ASTN2: variants seen among roughly 807,000 people sequenced by gnomAD.
ASTN2 encodes the protein astrotactin 2.
In ASTN2, 54 loss-of-function variants were observed where a neutral mutation model predicts 139.8. The observed-to-expected ratio is 0.39, with a 90% confidence interval of 0.31 to 0.48. The LOEUF is 0.48. Among genes scored for constraint, ASTN2 ranks in the 20% least tolerant of loss-of-function variants. ASTN2 has a pLI of 0.95. For synonymous variants in ASTN2, 756 were observed against 719.5 expected (o/e 1.05, Z -0.81); for missense variants, 1,565 against 1,725.1 (o/e 0.91, Z 1.64).
intron 2 of ASTN2, among the ~76,000 whole-genome samples, chr9:117,256,714 T>C (rs1338854943): frequency 6.6e-6 from 1 of 152,158 alleles, no homozygotes; most frequent in Non-Finnish European, 1.5e-5. Context: ...GAGAAATTAT[T>C]ACCATTCTTT....
intron 17 of ASTN2, among the ~76,000 whole-genome samples, chr9:116,632,267 A>G (rs1171800825): frequency 6.7e-6 from 1 of 150,316 alleles, no homozygotes; most frequent in Non-Finnish European, 1.5e-5. Flanking sequence ...GAAAGAAAGA[A>G]AGAAAGAAAG....
At chr9:117,125,708 T>C (rs1829668985) in intron 4 of ASTN2, among the ~76,000 whole-genome samples, 1 of 152,110 alleles carries the variant, frequency 6.6e-6, no homozygotes, top group South Asian at 2.1e-4. Context: ...TATGTACACA[T>C]ATCCGTCAGG....
intron 13 of ASTN2, among the ~76,000 whole-genome samples, chr9:116,748,151 T>G (rs1160440255): frequency 6.6e-6 from 1 of 152,140 alleles, no homozygotes; most frequent in Admixed American, 6.5e-5. Flanking sequence ...TAGGCATTTT[T>G]CTGACAAAGT....
At chr9:116,429,396 T>C (rs995736037) in intron 22 of ASTN2, among the ~76,000 whole-genome samples, 7 of 151,002 alleles carry the variant, frequency 4.6e-5, no homozygotes, top group African/African-American at 7.3e-5. Flanking sequence ...GTGTTAACTG[T>C]TTCCCACTGT....
At chr9:116,438,930 A>G (rs1364073243) in intron 22 of ASTN2, among the ~76,000 whole-genome samples, 1 of 152,156 alleles carries the variant, frequency 6.6e-6, no homozygotes, top group Non-Finnish European at 1.5e-5. Flanking sequence ...AGCCTGGCCA[A>G]TAACAGCGAA....
At chr9:116,512,263 A>C (rs1431777858) in intron 19 of ASTN2, among the ~76,000 whole-genome samples, 1 of 152,168 alleles carries the variant, frequency 6.6e-6, no homozygotes, top group Admixed American at 6.5e-5. Flanking sequence ...TTATGTACCC[A>C]GTAGTCAGTC....
chr9:116,847,007 CAAAAAAA>C (rs11302692), intron 11 of ASTN2, among the ~76,000 whole-genome samples: 12 of 75,884 alleles, frequency 1.6e-4, no homozygotes, highest in South Asian at 1.4e-3. Flanking sequence ...GCTTCATTCT[CAAAAAAA>C]AAAAAAAAAA....
intron 13 of ASTN2, among the ~76,000 whole-genome samples, chr9:116,785,369 G>C (rs1052414813): frequency 6.6e-6 from 1 of 152,122 alleles, no homozygotes; most frequent in African/African-American, 2.4e-5. Context: ...TTCAAGTCAT[G>C]TTTCTCTTCT....
intron 10 of ASTN2, among the ~76,000 whole-genome samples, chr9:116,892,214 C>T (rs1224246122): frequency 6.6e-6 from 1 of 152,146 alleles, no homozygotes; most frequent in Non-Finnish European, 1.5e-5. Flanking sequence ...TTCTTGCTCA[C>T]TCTTTTGTTT....
chr9:117,155,984 T>C (rs1013224068), intron 3 of ASTN2, among the ~76,000 whole-genome samples: 5 of 151,962 alleles, frequency 3.3e-5, no homozygotes, highest in Admixed American at 6.6e-5. Context: ...ATTAAGCATA[T>C]TATTAACAGA....
intron 10 of ASTN2, among the ~76,000 whole-genome samples, chr9:116,889,035 T>C (rs1276685104): frequency 6.6e-6 from 1 of 152,166 alleles, no homozygotes; most frequent in African/African-American, 2.4e-5. Flanking sequence ...GTCTCATTCC[T>C]TTAAAACACC....
At chr9:116,427,040 G>A (rs2118800697) in intron 22 of ASTN2, among the ~76,000 whole-genome samples, 1 of 152,276 alleles carries the variant, frequency 6.6e-6, no homozygotes, top group African/African-American at 2.4e-5. Flanking sequence ...CACGAGAGAG[G>A]GGAGCTGGGA....
At chr9:117,333,862 C>A (rs1419978586) in intron 1 of ASTN2, among the ~76,000 whole-genome samples, 1 of 152,114 alleles carries the variant, frequency 6.6e-6, no homozygotes, top group Non-Finnish European at 1.5e-5. Context: ...TCTCTCTGAG[C>A]CACATGGTGA....
At chr9:117,232,680 C>G (rs937042450) in intron 2 of ASTN2, among the ~76,000 whole-genome samples, 4 of 152,208 alleles carry the variant, frequency 2.6e-5, no homozygotes, top group Non-Finnish European at 5.9e-5. Context: ...GGGGCTTCCA[C>G]AAATCCCATG....
chr9:116,953,481 C>A (rs940523261), intron 10 of ASTN2, among the ~76,000 whole-genome samples: 5 of 152,138 alleles, frequency 3.3e-5, no homozygotes, highest in African/African-American at 1.2e-4. Flanking sequence ...CCAGAGGAAC[C>A]CAGAATGAGA....
chr9:117,204,732 C>G (rs1831857079), intron 3 of ASTN2, among the ~76,000 whole-genome samples: 1 of 152,074 alleles, frequency 6.6e-6, no homozygotes. Flanking sequence ...AATCTATGAC[C>G]TGGGAAGACT....
chr9:117,253,201 G>A (rs1425403817), intron 2 of ASTN2, among the ~76,000 whole-genome samples: 1 of 152,150 alleles, frequency 6.6e-6, no homozygotes, highest in Non-Finnish European at 1.5e-5. Context: ...CCTTGATAAG[G>A]CTTTTCTTCC....
chr9:116,722,031 G>T (rs1828486054), intron 16 of ASTN2, among the ~76,000 whole-genome samples: 2 of 152,284 alleles, frequency 1.3e-5, no homozygotes, highest in South Asian at 4.2e-4. Context: ...TAGTTGATCA[G>T]AATTGGCACA....
chr9:116,429,808 C>T (rs965770275), intron 22 of ASTN2, among the ~76,000 whole-genome samples: 4 of 152,072 alleles, frequency 2.6e-5, no homozygotes, highest in South Asian at 2.1e-4. Flanking sequence ...AGGAACACTA[C>T]GTATGCTGTT....
Sources: allele counts gnomAD v4.1 joint callset (sites outside exome capture counted in the v4.1 genomes callset), GRCh38; gene constraint gnomAD v4.1.1; transcripts MANE v1.5; gene names NCBI Gene and HGNC (gene_info 2026-07-23, HGNC 2026-07-21).